The following DDHD1 variants were observed in gnomAD, a reference collection of about 807,000 sequenced individuals.
The protein encoded by DDHD1 is phospholipase DDHD1.
Under a neutral mutation model 96.4 loss-of-function variants are expected in DDHD1, and 49 were observed. The observed-to-expected ratio is 0.51, with a 90% CI of 0.40 to 0.64. The LOEUF is 0.64. Ranked by LOEUF, DDHD1 falls within the 30% of genes least tolerant of loss-of-function variation. The pLI is 0.00. For missense variants in DDHD1, 1,106 were observed against 1,161.2 expected (o/e 0.95, Z 0.69); for synonymous variants, 442 against 446.5 (o/e 0.99, Z 0.13).
chr14:53,055,390 G>A (rs1882955584), intron 10 of DDHD1, among the ~76,000 whole-genome samples: 1 of 152,154 alleles, frequency 6.6e-6, no homozygotes, highest in African/African-American at 2.4e-5. Flanking sequence ...GCAAGTGGTA[G>A]GACCAAGATT....
At chr14:53,102,982 A>T (rs1283656149) in intron 2 of DDHD1, 1 of 1,538,492 alleles carries the variant, frequency 6.5e-7, no homozygotes. Flanking sequence ...TAGAAGAAAA[A>T]CTTCAGACAA....
At chr14:53,083,321 T>A (rs1241937709) in intron 4 of DDHD1, among the ~76,000 whole-genome samples, 1 of 152,230 alleles carries the variant, frequency 6.6e-6, no homozygotes, top group Non-Finnish European at 1.5e-5. Context: ...AGCTTTAAAA[T>A]GACTAATTTA....
At chr14:53,060,461 C>T (rs1032013855) in intron 8 of DDHD1, among the ~76,000 whole-genome samples, 3 of 152,164 alleles carry the variant, frequency 2.0e-5, no homozygotes, top group African/African-American at 7.2e-5. Flanking sequence ...TATAGCTAAA[C>T]TAAGTTTGCT....
intron 1 of DDHD1, among the ~76,000 whole-genome samples, chr14:53,116,923 G>A (rs189565211): frequency 2.6e-5 from 4 of 152,218 alleles, no homozygotes; most frequent in African/African-American, 4.8e-5. Context: ...ATGAATCCAG[G>A]AGCTTGGTTT....
chr14:53,152,038 C>A (rs116961481), intron 1 of DDHD1, among the ~76,000 whole-genome samples: 2 of 152,194 alleles, frequency 1.3e-5, no homozygotes, highest in Non-Finnish European at 2.9e-5. Flanking sequence ...GGCGCTACCC[C>A]CGAAGGTATC....
chr14:53,050,276 A>C (rs1226300542), intron 12 of DDHD1, among the ~76,000 whole-genome samples: 2 of 152,304 alleles, frequency 1.3e-5, no homozygotes, highest in African/African-American at 2.4e-5. Context: ...GAGAAATACA[A>C]GTTAGTTTTC....
intron 1 of DDHD1, among the ~76,000 whole-genome samples, chr14:53,139,569 T>C (rs1890490574): frequency 6.6e-6 from 1 of 151,912 alleles, no homozygotes; most frequent in South Asian, 2.1e-4. Flanking sequence ...ACACTAAACG[T>C]CTAGCGAAAT....
In DDHD1 at chr14:53,145,502, C is replaced by CAAAAA. The variant is rs34747977; in HGVS notation, c.838+6754_838+6758dup. On this transcript the variant is annotated intron_variant, in intron 1 of 12. Coordinates refer to ENST00000673822, the MANE Select transcript of DDHD1 (RefSeq NM_001160148.2). The stretch of plus-strand genomic sequence containing the variant: ...TAAGCGACAGAACAAAACCTTGTCT[C>CAAAAA]AAAAAAAAAAAAAAAAAAAAAAAAG... Among the ~76,000 whole-genome samples the CAAAAA allele has an allele frequency of 1.4e-3, 88 of 61,676 alleles. 2 individuals are homozygous for CAAAAA. Among genetic ancestry groups the CAAAAA allele is most frequent in the African/African-American group, 5.5e-3 (85 of 15,522 alleles). The allele number at this position is 61,676 out of a possible 152,430, so 40.5% of individuals were successfully genotyped here. A position where few individuals can be genotyped will look rare whatever the true frequency, so the allele number is the denominator to read the frequency against.
intron 1 of DDHD1, among the ~76,000 whole-genome samples, chr14:53,145,954 C>T (rs941186751): frequency 1.3e-5 from 2 of 152,192 alleles, no homozygotes; most frequent in African/African-American, 4.8e-5. Context: ...TGCCTGTAAT[C>T]CCAGCACTTT....
chr14:53,120,438 GA>G (rs959377538), intron 1 of DDHD1, among the ~76,000 whole-genome samples: 2 of 152,002 alleles, frequency 1.3e-5, no homozygotes, highest in Non-Finnish European at 2.9e-5. Flanking sequence ...TGCAGAATTA[GA>G]AAAAAATACT....
chr14:53,063,338 T>C (rs573739243), intron 6 of DDHD1, 133 bp from the exon 7 acceptor site: 1 of 1,069,750 alleles, frequency 9.3e-7, no homozygotes, highest in South Asian at 1.7e-5. Context: ...AAAATTAACT[T>C]AGGTCTTTCA....
At chr14:53,115,351 C>T (rs1388828437) in intron 1 of DDHD1, among the ~76,000 whole-genome samples, 2 of 152,152 alleles carry the variant, frequency 1.3e-5, no homozygotes, top group African/African-American at 4.8e-5. Context: ...GGCAGGCCAA[C>T]ATTCAAATTC....
At chr14:53,124,602 T>G (rs377186941) in intron 1 of DDHD1, among the ~76,000 whole-genome samples, 18 of 152,296 alleles carry the variant, frequency 1.2e-4, no homozygotes, top group African/African-American at 4.3e-4. Context: ...GTCAATAGTA[T>G]TTACAAACCA....
At chr14:53,081,310 T>A (rs1394771698) in intron 4 of DDHD1, among the ~76,000 whole-genome samples, 2 of 152,212 alleles carry the variant, frequency 1.3e-5, no homozygotes, top group Non-Finnish European at 2.9e-5. Flanking sequence ...CAAATATGAG[T>A]ATATGCAAGG....
chr14:53,103,939 T>C (rs1887500868), intron 1 of DDHD1, 83 bp from the exon 2 acceptor site: 2 of 1,268,768 alleles, frequency 1.6e-6, no homozygotes, highest in African/African-American at 1.5e-5. Context: ...ATCTTATATT[T>C]TGCTACTGCT....
rs1275150612 is a variant in DDHD1, at chr14:53,085,916, G to T, written c.1289+5869C>A. Reference sequence around the variant, plus strand: ...TAAAAACCTTGAAAAAAGATTAGATGAATGGCTAACTAGAATAAACAGTGT... The same window carrying T: ...TAAAAACCTTGAAAAAAGATTAGATTAATGGCTAACTAGAATAAACAGTGT... On this transcript the variant is annotated intron_variant, in intron 4 of 12. Coordinates refer to ENST00000673822, the MANE Select transcript of DDHD1 (RefSeq NM_001160148.2). 3.9e-5 allele frequency among the ~76,000 whole-genome samples: 6 copies of T among 152,254 alleles called. No individual in the cohort carries two copies. In the East Asian group the frequency reaches 9.7e-4, roughly 24 times the overall value.
Position 53,111,953 on chromosome 14 carries a change from AT to A in DDHD1, c.839-8098del, listed in dbSNP as rs942995641. Among the ~76,000 whole-genome samples the A allele has an allele frequency of 1.8e-3, 278 of 152,318 alleles. 1 individual carries two copies. The highest frequency in any genetic ancestry group is 6.7e-3 in the African/African-American group (277 of 41,564). The stretch of plus-strand genomic sequence containing the variant: ...CAGAATAGGGTAAATATAAATTTAC[AT>A]TTTCAAGGCATTACCTTAATTTATT... On this transcript the variant is annotated intron_variant, in intron 1 of 12. Coordinates refer to ENST00000673822, the MANE Select transcript of DDHD1 (RefSeq NM_001160148.2).
At chr14:53,121,533 A>G (rs1246487014) in intron 1 of DDHD1, among the ~76,000 whole-genome samples, 1 of 152,214 alleles carries the variant, frequency 6.6e-6, no homozygotes, top group Non-Finnish European at 1.5e-5. Flanking sequence ...AAGCAACCCA[A>G]ATGCTCATCA....
chr14:53,130,523 A>G (rs10148485), intron 1 of DDHD1, among the ~76,000 whole-genome samples: 5,195 of 152,192 alleles, frequency 0.034, 303 homozygotes, highest in African/African-American at 0.12. Flanking sequence ...TCGCCTTCAA[A>G]GTGTACAATA....
Sources: gnomAD v4.1 joint callset for allele counts (sites outside exome capture counted in the v4.1 genomes callset) on GRCh38, gnomAD v4.1.1 for gene constraint, MANE v1.5 for transcripts, NCBI Gene and HGNC (gene_info 2026-07-23, HGNC 2026-07-21) for gene names.